Variants in SLC43A2 observed in about 807,000 individuals in gnomAD.
SLC43A2 encodes the protein solute carrier family 43 member 2.
Under a neutral mutation model 63.2 loss-of-function variants are expected in SLC43A2, and 38 were observed. That is an observed-to-expected ratio of 0.60 (90% CI 0.46 to 0.79). The LOEUF (loss-of-function observed/expected upper bound fraction) is 0.79, where lower values mean the gene tolerates loss of function less well. Ranked by LOEUF, SLC43A2 falls within the 30% of genes least tolerant of loss-of-function variation. SLC43A2 has a pLI of 0.00. For synonymous variants in SLC43A2, 322 were observed against 331.0 expected (o/e 0.97, Z 0.30); for missense variants, 644 against 756.2 (o/e 0.85, Z 1.74).
intron 1 of SLC43A2, among the ~76,000 whole-genome samples, chr17:1,628,535 A>G (rs1465126100): frequency 1.3e-5 from 2 of 151,912 alleles, no homozygotes; most frequent in African/African-American, 4.8e-5. Flanking sequence ...GGAGACGAGG[A>G]GCCGGTTCAA....
At position 1,583,171 on chromosome 17, in the gene SLC43A2, C is replaced by A. The variant is rs1365172538; in HGVS notation, c.1350+33G>T. 6.2e-7 allele frequency: 1 copy of A among 1,605,410 alleles called. No individual in the cohort carries two copies. Among genetic ancestry groups the A allele is most frequent in the East Asian group, 2.2e-5 (1 of 44,646 alleles). ...TACATGTTCCTTCTGACTGCCCCAC[C>A]TCCCACCTGCCCCTCCCACTCCCCA... On this transcript the variant is annotated intron_variant, in intron 11 of 13. Coordinates refer to ENST00000301335, the MANE Select transcript of SLC43A2 (RefSeq NM_152346.3). The surrounding 1 kb of genome is among the most constrained non-coding windows in gnomAD (Gnocchi z 5.5).
rs184953053 is a variant in SLC43A2, at chr17:1,607,973, C to T, written c.501+5222G>A. Among the ~76,000 whole-genome samples, 613 of 152,276 alleles carry T rather than the reference C, an allele frequency of 4.0e-3. 21 individuals are homozygous for T. The highest frequency in any genetic ancestry group is 0.033 in the Admixed American group (499 of 15,272). ...TCAGGTGATCCACCCGCCTCAGCCT[C>T]CCAAAGTGCTGGGGTTACAGGCGTG... On this transcript the variant is annotated intron_variant, in intron 5 of 13. Coordinates refer to ENST00000301335, the MANE Select transcript of SLC43A2 (RefSeq NM_152346.3).
intron 11 of SLC43A2, among the ~76,000 whole-genome samples, chr17:1,579,837 C>CA (rs960854008): frequency 2.9e-4 from 42 of 147,274 alleles, no homozygotes; most frequent in South Asian, 6.5e-4. Flanking sequence ...GACCCTGTCT[C>CA]AAAAAAAAAC....
chr17:1,580,125 C>T (rs2075990023), intron 11 of SLC43A2, among the ~76,000 whole-genome samples: 2 of 152,114 alleles, frequency 1.3e-5, no homozygotes, highest in African/African-American at 4.8e-5. Flanking sequence ...CGGGGTTTCA[C>T]TAGGCTGGTC....
intron 3 of SLC43A2, 39 bp from the exon 4 acceptor site, chr17:1,615,073 G>T: frequency 6.2e-7 from 1 of 1,611,556 alleles, no homozygotes; most frequent in Non-Finnish European, 8.5e-7. Context: ...TTACCATTAT[G>T]ACTTTATTCA....
chr17:1,604,528 C>T (rs913121179), intron 5 of SLC43A2: 10 of 606,264 alleles, frequency 1.6e-5, no homozygotes, highest in South Asian at 6.2e-5. Flanking sequence ...CCTCACCCCC[C>T]GGAGGTCACC....
chr17:1,581,780 C>T (rs1300774568), intron 11 of SLC43A2, among the ~76,000 whole-genome samples: 1 of 152,088 alleles, frequency 6.6e-6, no homozygotes, highest in South Asian at 2.1e-4. Context: ...GTTCCAGAAG[C>T]CTCAAAAGTT....
chr17:1,609,275 C>T (rs1231885193), intron 5 of SLC43A2, among the ~76,000 whole-genome samples: 5 of 152,140 alleles, frequency 3.3e-5, no homozygotes, highest in Non-Finnish European at 4.4e-5. Flanking sequence ...AATCTCGACT[C>T]GCTGCAACCT....
At position 1,591,707 on chromosome 17, in the gene SLC43A2, GCACC is replaced by G; in HGVS notation, c.595-12_595-9del. On this transcript the variant is annotated splice_polypyrimidine_tract_variant and intron_variant, in intron 6 of 13. Coordinates refer to ENST00000301335, the MANE Select transcript of SLC43A2 (RefSeq NM_152346.3). ...ACCAGCATCATAGATGAGCTGACAG[GCACC>G]GCGGGGACGGGGTGGGGGGGGGAGG... 1.8e-6 allele frequency: 1 copy of G among 560,792 alleles called. No individual in the cohort carries two copies. The highest frequency in any genetic ancestry group is 3.1e-6 in the Non-Finnish European group (1 of 322,534). The allele number at this position is 560,792 out of a possible 1,614,324, so 34.7% of individuals were successfully genotyped here.
chr17:1,583,640 C>T lies in SLC43A2; in HGVS notation c.1218-304G>A, dbSNP rs990513254. 3 of 311,590 alleles carry T rather than the reference C, an allele frequency of 9.6e-6. No homozygotes were observed. Among genetic ancestry groups the T allele is most frequent in the Non-Finnish European group, 1.8e-5 (3 of 165,538 alleles). The allele number at this position is 311,590 out of a possible 1,614,324, so 19.3% of individuals were successfully genotyped here. ...CGGGGAGAGAAGTAGCAGCGTGTGC[C>T]TGAGCTGGCACATGGCAAAGCCTCA... On this transcript the variant is annotated intron_variant, in intron 10 of 13. Transcript: ENST00000301335. This position sits in a 1 kb window ranked among gnomAD's most constrained non-coding sequence, Gnocchi z 5.5.
intron 3 of SLC43A2, among the ~76,000 whole-genome samples, chr17:1,615,849 T>TAAATAAATAAAA (rs1907606170): frequency 7.3e-6 from 1 of 136,962 alleles, no homozygotes. Flanking sequence ...TCTCAATAAA[T>TAAATAAATAAAA]AAATAAATAA....
In SLC43A2 at chr17:1,615,032, G is replaced by T; in HGVS notation, c.371C>A (p.Ala124Asp). ...GPRKLRLLGS[A>D]CFAVSCLLIA... is the part of the protein sequence containing the mutation. ...CAGCAAGCAGGAAACCGCGAAGCAG[G>T]CGCTAAAACCAAGCAGAAACGCAAT... Residue 124 changes from alanine (A) to aspartate (D), a missense_variant and splice_region_variant, in exon 4 of 14, where the codon GCC becomes GAC. Coordinates refer to ENST00000301335, the MANE Select transcript of SLC43A2 (RefSeq NM_152346.3). 6.2e-7 allele frequency: 1 copy of T among 1,613,956 alleles called. No individual in the cohort carries two copies. The highest frequency in any genetic ancestry group is 8.5e-7 in the Non-Finnish European group (1 of 1,179,942).
chr17:1,596,152 C>A (rs1387898584), intron 5 of SLC43A2, among the ~76,000 whole-genome samples: 3 of 151,978 alleles, frequency 2.0e-5, no homozygotes, highest in South Asian at 2.1e-4. Flanking sequence ...AACCCTATCT[C>A]TACTAAAAAT....
intron 2 of SLC43A2, among the ~76,000 whole-genome samples, chr17:1,621,569 C>A (rs888608946): frequency 1.3e-5 from 2 of 152,216 alleles, no homozygotes. Flanking sequence ...AGAGGCCGTC[C>A]TGGGCTGACC....
intron 5 of SLC43A2, among the ~76,000 whole-genome samples, chr17:1,597,868 T>C (rs1248433641): frequency 6.6e-6 from 1 of 151,810 alleles, no homozygotes; most frequent in Non-Finnish European, 1.5e-5. Flanking sequence ...ACAAAAGAAA[T>C]GTGATGTGCT....
intron 10 of SLC43A2, chr17:1,585,249 T>C (rs1461382725): frequency 2.0e-6 from 2 of 995,322 alleles, no homozygotes; most frequent in East Asian, 1.1e-4. Context: ...TTCTTTATTG[T>C]TTTTTCTTTT....
At chr17:1,608,026 A>G (rs1906775966) in intron 5 of SLC43A2, among the ~76,000 whole-genome samples, 1 of 151,844 alleles carries the variant, frequency 6.6e-6, no homozygotes, top group Admixed American at 6.6e-5. Flanking sequence ...AAGACAGTAG[A>G]CCTTTTGGGC....
rs1351936156 is a variant in SLC43A2, at chr17:1,627,839, G to T, written c.36C>A (p.Arg12=). 6.3e-7 allele frequency: 1 copy of T among 1,588,782 alleles called. No homozygotes were observed. The highest frequency in any genetic ancestry group is 8.6e-7 in the Non-Finnish European group (1 of 1,167,914). Residue 12 remains arginine (R), a synonymous_variant, in exon 2 of 14, where the codon CGC becomes CGA. Transcript: ENST00000301335. ...GCACGGCCGTGCAGGCCATCCACCAGCGGCGCCGATGGGCAGTGGCCAGGG... is the reference window on the plus strand; with the variant it reads ...GCACGGCCGTGCAGGCCATCCACCATCGGCGCCGATGGGCAGTGGCCAGGG... ...APTLATAHRR[R]WWMACTAVLE...
rs1417919769 is a variant in SLC43A2, at chr17:1,575,192, T to C, written c.*412A>G. 1.0e-5 allele frequency: 3 copies of C among 288,282 alleles called. No individual in the cohort carries two copies. Among genetic ancestry groups the C allele is most frequent in the African/African-American group, 2.3e-5 (1 of 43,924 alleles). The allele number at this position is 288,282 out of a possible 1,614,324, so 17.9% of individuals were successfully genotyped here. A position where few individuals can be genotyped will look rare whatever the true frequency, so the allele number is the denominator to read the frequency against. On this transcript the variant is annotated 3_prime_UTR_variant, in exon 14 of 14. Coordinates refer to ENST00000301335, the MANE Select transcript of SLC43A2 (RefSeq NM_152346.3). ...GGCGAGACAGTGCAAGCCTTTGTCC[T>C]CAGGCAGGTACGGCTGTGGGCATGC...
Sources: gnomAD v4.1 joint callset for allele counts (sites outside exome capture counted in the v4.1 genomes callset) on GRCh38, gnomAD v4.1.1 for gene constraint, Gnocchi (gnomAD v3.1) non-coding constraint, MANE v1.5 for transcripts, NCBI Gene and HGNC (gene_info 2026-07-23, HGNC 2026-07-21) for gene names.